AFF2: variants seen among roughly 807,000 people sequenced by gnomAD.
AFF2 encodes ALF transcription elongation factor 2, also known as AF4/FMR2 family member 2.
A neutral mutation model predicts 76.9 loss-of-function variants in AFF2; 14 were observed. That is an observed-to-expected ratio of 0.18 (90% CI 0.12 to 0.28). The LOEUF (loss-of-function observed/expected upper bound fraction) is 0.28. Among genes scored for constraint, AFF2 ranks in the 10% least tolerant of loss-of-function variants. The pLI, the probability that AFF2 is intolerant of heterozygous loss-of-function variation, is 1.00. For missense variants in AFF2, 868 were observed against 1,001.1 expected (o/e 0.87, Z 1.79); for synonymous variants, 398 against 366.7 (o/e 1.09, Z -0.98).
intron 1 of AFF2, among the ~76,000 whole-genome samples, chrX:148,641,879 G>A (rs1202341075): frequency 9.0e-6 from 1 of 111,546 alleles, no homozygotes; most frequent in African/African-American, 3.3e-5. Flanking sequence ...TTAGGGGCCC[G>A]CCCTAGTCCA....
Position 148,742,721 on chromosome X carries a change from T to A in AFF2, c.1042-67155T>A, listed in dbSNP as rs781846243. Among the ~76,000 whole-genome samples the A allele has an allele frequency of 7.2e-5, 8 of 111,788 alleles. No individual in the cohort carries two copies. In the South Asian group the frequency reaches 3.0e-3, roughly 42 times the overall value. Reference sequence around the variant, plus strand: ...GATATTTGCTGTAAAAAATGTGAGATGAGTATTATTTTCCCGCAGGAATAG... The same window carrying A: ...GATATTTGCTGTAAAAAATGTGAGAAGAGTATTATTTTCCCGCAGGAATAG... On this transcript the variant is annotated intron_variant, in intron 3 of 20. Transcript: ENST00000370460.
At chrX:148,587,664 C>T (rs1448456853) in intron 1 of AFF2, among the ~76,000 whole-genome samples, 1 of 111,885 alleles carries the variant, frequency 8.9e-6, no homozygotes, top group Non-Finnish European at 1.9e-5. Flanking sequence ...CAAAGGAAAG[C>T]GGTTGATTGT....
chrX:148,936,857 G>T (rs782374833), intron 9 of AFF2, among the ~76,000 whole-genome samples: 236 of 112,426 alleles, frequency 2.1e-3, no homozygotes, highest in African/African-American at 7.1e-3. Flanking sequence ...TTTTCAGTAC[G>T]TAAGAGCTTC....
chrX:148,878,556 A>G (rs2071061103), intron 7 of AFF2, among the ~76,000 whole-genome samples: 1 of 112,068 alleles, frequency 8.9e-6, no homozygotes, highest in African/African-American at 3.2e-5. Flanking sequence ...CTCCACTTGA[A>G]TGACTTTCCA....
At chrX:148,795,818 A>T in intron 3 of AFF2, among the ~76,000 whole-genome samples, 1 of 41,567 alleles carries the variant, frequency 2.4e-5, no homozygotes, top group African/African-American at 9.7e-5. Flanking sequence ...AAAAAAAAAA[A>T]AAAAAAAAAA....
At chrX:148,574,891 A>G (rs149183656) in intron 1 of AFF2, among the ~76,000 whole-genome samples, 1,410 of 110,149 alleles carry the variant, frequency 0.013, 31 homozygotes, top group African/African-American at 0.042. Flanking sequence ...AGTATCAGTA[A>G]CTGCTTTCAT....
Position 148,652,131 on chromosome X carries a change from T to C in AFF2, c.180T>C (p.Tyr60=), listed in dbSNP as rs782489798. 9.9e-5 allele frequency: 117 copies of C among 1,181,709 alleles called. No homozygotes were observed. The highest frequency in any genetic ancestry group is 1.3e-4 in the Non-Finnish European group (111 of 877,079). The change falls in exon 2 of 21, where the codon TAT becomes TAC. Residue 60 remains tyrosine (Y), a splice_region_variant and synonymous_variant. Coordinates refer to ENST00000370460, the MANE Select transcript of AFF2 (RefSeq NM_002025.4). The part of the protein sequence containing the change: ...LFGEPYKVAE[Y]TNKGDALANR... ...GGGAGCCATACAAGGTAGCTGAATA[T>C]GTATGTAATTTTTCTTTCTGGAAAA...
intron 3 of AFF2, among the ~76,000 whole-genome samples, chrX:148,672,054 C>T (rs2054429999): frequency 8.9e-6 from 1 of 111,974 alleles, no homozygotes; most frequent in South Asian, 3.7e-4. Flanking sequence ...AGACTTCTCT[C>T]GTTCTGCATG....
At chrX:148,891,632 T>C (rs1166051571) in intron 8 of AFF2, among the ~76,000 whole-genome samples, 3 of 111,730 alleles carry the variant, frequency 2.7e-5, no homozygotes, top group Admixed American at 9.5e-5. Flanking sequence ...ATCTGCTTAA[T>C]GTCTAATTGA....
chrX:148,841,203 TCCTGGAGGTATACAAGC>T (rs1340906156), intron 5 of AFF2, among the ~76,000 whole-genome samples: 3 of 112,090 alleles, frequency 2.7e-5, no homozygotes, highest in Non-Finnish European at 5.6e-5. Context: ...TCATTTAATT[TCCTGGAGGTATACAAGC>T]CCAAACTCAT....
intron 4 of AFF2, among the ~76,000 whole-genome samples, chrX:148,817,752 A>T (rs2034795009): frequency 8.9e-6 from 1 of 111,900 alleles, no homozygotes; most frequent in Admixed American, 9.5e-5. Context: ...ATCAGACAGC[A>T]CTTTAAAGGA....
chrX:148,855,090 A>G (rs1460680999), intron 7 of AFF2, among the ~76,000 whole-genome samples: 3 of 111,655 alleles, frequency 2.7e-5, no homozygotes, highest in African/African-American at 9.8e-5. Context: ...AATATCAAGT[A>G]GTTGGGACTG....
chrX:148,931,536 T>C (rs782617863), intron 9 of AFF2, among the ~76,000 whole-genome samples: 1 of 112,455 alleles, frequency 8.9e-6, no homozygotes, highest in South Asian at 3.7e-4. Context: ...CTTATTTGCA[T>C]GTTTTACACA....
At chrX:148,862,295 CTG>C (rs1283350855) in intron 7 of AFF2, among the ~76,000 whole-genome samples, 4 of 111,252 alleles carry the variant, frequency 3.6e-5, no homozygotes, top group African/African-American at 1.3e-4. Flanking sequence ...CCACTTCAGA[CTG>C]TGTCTTCCCT....
chrX:148,706,435 G>T (rs5980581), intron 3 of AFF2, among the ~76,000 whole-genome samples: 1 of 112,148 alleles, frequency 8.9e-6, no homozygotes, highest in Non-Finnish European at 1.9e-5. Context: ...GCTATCTGCC[G>T]TGGTAAACTC....
chrX:148,635,285 T>A (rs1304853494), intron 1 of AFF2, among the ~76,000 whole-genome samples: 2 of 110,725 alleles, frequency 1.8e-5, no homozygotes, highest in Non-Finnish European at 3.8e-5. Context: ...AAGAGAGATC[T>A]GAAGATGCTG....
intron 1 of AFF2, among the ~76,000 whole-genome samples, chrX:148,614,542 A>G (rs2053764805): frequency 9.1e-6 from 1 of 110,130 alleles, no homozygotes; most frequent in Non-Finnish European, 1.9e-5. Flanking sequence ...CTACTATAGC[A>G]GGCCGCCTCC....
chrX:148,748,439 G>A (rs976530679), intron 3 of AFF2, among the ~76,000 whole-genome samples: 2 of 111,995 alleles, frequency 1.8e-5, no homozygotes, highest in African/African-American at 6.5e-5. Context: ...GTGTACCCAC[G>A]TGTGCATTTT....
chrX:148,730,941 G>T (rs2055212675), intron 3 of AFF2, among the ~76,000 whole-genome samples: 1 of 111,701 alleles, frequency 9.0e-6, no homozygotes, highest in Non-Finnish European at 1.9e-5. Flanking sequence ...GTGTTTGGCA[G>T]CCAGGAAGAT....
Sources: allele counts gnomAD v4.1 joint callset (sites outside exome capture counted in the v4.1 genomes callset), GRCh38; gene constraint gnomAD v4.1.1; transcripts MANE v1.5; gene names NCBI Gene and HGNC (gene_info 2026-07-23, HGNC 2026-07-21).